Variants in ACSS3 observed in about 807,000 individuals in gnomAD.
ACSS3 encodes the protein acyl-CoA synthetase short-chain family member 3, mitochondrial.
Under a neutral mutation model 84.2 loss-of-function variants are expected in ACSS3, and 64 were observed. The observed-to-expected ratio is 0.76, with a 90% CI of 0.62 to 0.94. ACSS3 has a LOEUF of 0.94. Among genes scored for constraint, ACSS3 ranks in the 40% least tolerant of loss-of-function variants. The probability of loss-of-function intolerance (pLI) is 0.00; values close to 1 mark genes in which losing one functional copy is unlikely to be tolerated. For synonymous variants in ACSS3, 317 were observed against 310.1 expected (o/e 1.02, Z -0.23); for missense variants, 815 against 867.6 (o/e 0.94, Z 0.76).
At chr12:81,122,682 G>A (rs934445876) in intron 2 of ACSS3, among the ~76,000 whole-genome samples, 6 of 152,142 alleles carry the variant, frequency 3.9e-5, no homozygotes, top group Admixed American at 3.9e-4. Context: ...TTGGGAAAGT[G>A]TGTACATTAG....
chr12:81,115,559 C>T (rs1883969189), intron 2 of ACSS3, among the ~76,000 whole-genome samples: 1 of 152,020 alleles, frequency 6.6e-6, no homozygotes, highest in Non-Finnish European at 1.5e-5. Flanking sequence ...TCTCAGCCTC[C>T]CAAAGTGTTA....
intron 2 of ACSS3, among the ~76,000 whole-genome samples, chr12:81,115,499 C>T (rs544336494): frequency 1.3e-5 from 2 of 152,124 alleles, no homozygotes; most frequent in African/African-American, 2.4e-5. Context: ...GATGATATCT[C>T]GCTCTATCCC....
chr12:81,143,221 A>T lies in ACSS3; in HGVS notation c.895A>T (p.Thr299Ser). 6.2e-7 allele frequency: 1 copy of T among 1,603,672 alleles called. No homozygotes were observed. The highest frequency in any genetic ancestry group is 8.5e-7 in the Non-Finnish European group (1 of 1,173,086). Residue 299 changes from threonine to serine, a missense_variant, in exon 5 of 16, where the codon ACA becomes TCA. By Grantham distance (58) the Thr-to-Ser change is moderately conservative. Coordinates refer to ENST00000548058, the MANE Select transcript of ACSS3 (RefSeq NM_024560.4). ...LSEHPLYILY[T>S]SGTTGLPKGV... Reference sequence around the variant, plus strand: ...AGAACACCCACTGTATATTCTTTACACATCTGGCACAACGGGGTTACCTAA... The same window carrying T: ...AGAACACCCACTGTATATTCTTTACTCATCTGGCACAACGGGGTTACCTAA...
At position 81,180,629 on chromosome 12, in the gene ACSS3, C is replaced by G. The variant is rs542229545; in HGVS notation, c.1250+5690C>G. ...CTCCCAGGTTCAAGCGATTCTCCTG[C>G]CTCAGCCTCCCAAGTAGCTGGAATT... On this transcript the variant is annotated intron_variant, in intron 8 of 15. Coordinates refer to ENST00000548058, the MANE Select transcript of ACSS3 (RefSeq NM_024560.4). Among the ~76,000 whole-genome samples the G allele has an allele frequency of 2.1e-4, 32 of 152,212 alleles. No individual in the cohort carries two copies. The South Asian group carries it at 6.0e-3, about 29-fold the overall frequency.
intron 8 of ACSS3, among the ~76,000 whole-genome samples, chr12:81,179,427 C>T (rs1004104419): frequency 2.0e-5 from 3 of 151,706 alleles, no homozygotes; most frequent in African/African-American, 2.4e-5. Context: ...CTGCCAACTA[C>T]GCGTCAGAGA....
intron 1 of ACSS3, among the ~76,000 whole-genome samples, chr12:81,080,826 A>G (rs1458674888): frequency 6.6e-6 from 1 of 152,208 alleles, no homozygotes; most frequent in Non-Finnish European, 1.5e-5. Flanking sequence ...CTGGATACAT[A>G]GCTTTGATGA....
At chr12:81,245,001 T>G (rs1430606994) in intron 13 of ACSS3, among the ~76,000 whole-genome samples, 3 of 152,108 alleles carry the variant, frequency 2.0e-5, no homozygotes, top group Admixed American at 1.3e-4. Flanking sequence ...ACTGACATGA[T>G]GTACTGTGTA....
chr12:81,214,479 A>C (rs1388823373), intron 9 of ACSS3, among the ~76,000 whole-genome samples: 1 of 152,236 alleles, frequency 6.6e-6, no homozygotes, highest in African/African-American at 2.4e-5. Context: ...TTTAAGACTC[A>C]AATTAATTAT....
chr12:81,167,553 G>T (rs1459427452), intron 7 of ACSS3, among the ~76,000 whole-genome samples: 1 of 152,116 alleles, frequency 6.6e-6, no homozygotes, highest in Non-Finnish European at 1.5e-5. Flanking sequence ...CCTTGTTTCT[G>T]TGTCCTCCAG....
chr12:81,185,985 G>A (rs932483603), intron 8 of ACSS3, among the ~76,000 whole-genome samples: 4 of 151,802 alleles, frequency 2.6e-5, no homozygotes, highest in Non-Finnish European at 4.4e-5. Context: ...AATCAAAACA[G>A]TAGCTTACTG....
intron 1 of ACSS3, among the ~76,000 whole-genome samples, chr12:81,095,851 G>A (rs1489388704): frequency 2.0e-5 from 3 of 152,144 alleles, no homozygotes; most frequent in Non-Finnish European, 2.9e-5. Context: ...AGGAAGGATC[G>A]GTGGGACTAA....
rs1001219058 is a variant in ACSS3, at chr12:81,139,378, A to G, written c.780+113A>G. 9.4e-6 allele frequency: 11 copies of G among 1,176,448 alleles called. No individual in the cohort carries two copies. In the African/African-American group the frequency reaches 1.5e-4, roughly 16 times the overall value. The allele number at this position is 1,176,448 out of a possible 1,614,324, so 72.9% of individuals were successfully genotyped here. A position where few individuals can be genotyped will look rare whatever the true frequency, so the allele number is the denominator to read the frequency against. ...TATAAGCTATTAAGTATACTGCTGA[A>G]TGTTATTGTTATTTCTAAAAAATAT... is the stretch of plus-strand genomic sequence containing the variant. On this transcript the variant is annotated intron_variant, in intron 4 of 15. Coordinates refer to ENST00000548058, the MANE Select transcript of ACSS3 (RefSeq NM_024560.4).
chr12:81,168,988 A>G (rs147280900), intron 7 of ACSS3, among the ~76,000 whole-genome samples: 25 of 152,344 alleles, frequency 1.6e-4, no homozygotes, highest in African/African-American at 5.8e-4. Flanking sequence ...GCTGCAGATT[A>G]GAATAACTAA....
chr12:81,186,568 C>T (rs1006779506), intron 8 of ACSS3, among the ~76,000 whole-genome samples: 1 of 151,698 alleles, frequency 6.6e-6, no homozygotes, highest in Non-Finnish European at 1.5e-5. Flanking sequence ...ACACATTTCT[C>T]CAAAGAAGGC....
At chr12:81,087,016 A>C (rs939704567) in intron 1 of ACSS3, among the ~76,000 whole-genome samples, 1 of 152,166 alleles carries the variant, frequency 6.6e-6, no homozygotes, top group African/African-American at 2.4e-5. Context: ...GGTAAGGAAC[A>C]GTGCATAGAA....
intron 14 of ACSS3, 26 bp downstream of exon 14, chr12:81,253,432 G>A: frequency 6.2e-7 from 1 of 1,613,458 alleles, no homozygotes; most frequent in Non-Finnish European, 8.5e-7. Flanking sequence ...CTCCCTGATT[G>A]CTTGGGACCT....
rs111550919 is a variant in ACSS3 at position 81,249,757 on chromosome 12, A to G, written c.1720-3550A>G. Among the ~76,000 whole-genome samples the G allele has an allele frequency of 2.0e-4, 31 of 152,158 alleles. 1 individual carries two copies. Among genetic ancestry groups the G allele is most frequent in the African/African-American group, 7.0e-4 (29 of 41,560 alleles). On this transcript the variant is annotated intron_variant, in intron 13 of 15. Transcript: ENST00000548058. ...CCTAGATTACTTCAGTGTCAGAGGAAATTTTTAAAAATCTGTCTTCTTCGA... is the reference window on the plus strand; with the variant it reads ...CCTAGATTACTTCAGTGTCAGAGGAGATTTTTAAAAATCTGTCTTCTTCGA...
At chr12:81,154,341 G>A (rs1886761529) in intron 7 of ACSS3, among the ~76,000 whole-genome samples, 1 of 152,140 alleles carries the variant, frequency 6.6e-6, no homozygotes, top group Non-Finnish European at 1.5e-5. Flanking sequence ...TTTGAAACAT[G>A]ATATTAACAC....
intron 2 of ACSS3, among the ~76,000 whole-genome samples, chr12:81,124,947 G>A (rs1884952832): frequency 6.6e-6 from 1 of 152,188 alleles, no homozygotes; most frequent in South Asian, 2.1e-4. Context: ...GGGCTTGGTG[G>A]CTCACGCCTG....
Sources: gnomAD v4.1 joint callset for allele counts (sites outside exome capture counted in the v4.1 genomes callset) on GRCh38, gnomAD v4.1.1 for gene constraint, MANE v1.5 for transcripts, NCBI Gene and HGNC (gene_info 2026-07-23, HGNC 2026-07-21) for gene names.